Variants in RELB observed in about 807,000 individuals in gnomAD.
RELB encodes the protein RELB proto-oncogene, NF-kB subunit.
Under a neutral mutation model 55.4 loss-of-function variants are expected in RELB, and 14 were observed. The observed-to-expected ratio is 0.25, with a 90% CI of 0.17 to 0.40. The LOEUF is 0.40. RELB is among the 10% of genes least tolerant of loss of function. RELB has a pLI of 1.00. For synonymous variants in RELB, 409 were observed against 371.3 expected (o/e 1.10, Z -1.17); for missense variants, 669 against 830.7 (o/e 0.81, Z 2.39).
At chr19:45,014,012 A>C (rs1043819391) in intron 4 of RELB, among the ~76,000 whole-genome samples, 6 of 152,070 alleles carry the variant, frequency 3.9e-5, no homozygotes, top group Non-Finnish European at 5.9e-5. Flanking sequence ...GGTGATGCTG[A>C]GTTGGATCCT....
intron 11 of RELB, among the ~76,000 whole-genome samples, chr19:45,035,539 C>CAACAACAACAACAACA (rs887820522): frequency 9.9e-5 from 15 of 151,166 alleles, no homozygotes; most frequent in African/African-American, 2.9e-4. Context: ...ACAACAACAA[C>CAACAACAACAACAACA]AAAACAGGCC....
chr19:45,026,958 G>A (rs553479621), intron 7 of RELB, among the ~76,000 whole-genome samples: 27 of 152,278 alleles, frequency 1.8e-4, no homozygotes, highest in African/African-American at 6.3e-4. Flanking sequence ...AGCCGGGCGA[G>A]GTGGCTTACG....
intron 8 of RELB, among the ~76,000 whole-genome samples, chr19:45,032,149 T>C (rs570911952): frequency 8.6e-5 from 13 of 151,968 alleles, no homozygotes; most frequent in Admixed American, 2.0e-4. Context: ...GGCAGGAGAA[T>C]TACTTGAACC....
chr19:45,015,747 G>A (rs67616858), intron 4 of RELB, among the ~76,000 whole-genome samples: 11,246 of 36,368 alleles, frequency 0.31, 956 homozygotes, highest in African/African-American at 0.46. Context: ...AAAAAAAAAA[G>A]AAAAAAGAAA....
intron 4 of RELB, among the ~76,000 whole-genome samples, chr19:45,012,867 G>A (rs578040440): frequency 6.8e-4 from 103 of 151,880 alleles, no homozygotes; most frequent in Non-Finnish European, 1.2e-3. Flanking sequence ...TGGGCAAGAC[G>A]GCAAAACCCC....
chr19:45,006,730 G>A (rs1448414696), intron 2 of RELB, among the ~76,000 whole-genome samples: 2 of 151,654 alleles, frequency 1.3e-5, no homozygotes, highest in Non-Finnish European at 2.9e-5. Flanking sequence ...GGAGGCCGAG[G>A]TGGGTGGATC....
chr19:45,022,262 G>T, intron 5 of RELB, 52 bp downstream of exon 5: 1 of 1,497,384 alleles, frequency 6.7e-7, no homozygotes, highest in South Asian at 1.3e-5. Context: ...GAGATTCTAA[G>T]CGACTGGAGG....
Position 45,025,389 on chromosome 19 carries a change from G to C in RELB, c.723G>C (p.Arg241=). ...RKKEIEAAIE[R]KIQLGIDPYN... is the part of the protein sequence containing the mutation. ...AGGAGATTGAGGCTGCCATTGAGCGGAAGATTCAACTGGGCATTGACCCCT... is the reference window on the plus strand; with the variant it reads ...AGGAGATTGAGGCTGCCATTGAGCGCAAGATTCAACTGGGCATTGACCCCT... Residue 241 remains arginine, a synonymous_variant, in exon 6 of 12, where the codon CGG becomes CGC. Transcript: ENST00000221452. 1 of 1,612,818 alleles carries C rather than the reference G, an allele frequency of 6.2e-7. No homozygotes were observed. Among genetic ancestry groups the C allele is most frequent in the Non-Finnish European group, 8.5e-7 (1 of 1,179,492 alleles).
intron 8 of RELB, 40 bp downstream of exon 8, chr19:45,029,032 C>A: frequency 1.4e-6 from 2 of 1,441,612 alleles, no homozygotes; most frequent in South Asian, 2.4e-5. Flanking sequence ...AGAGCGGGGT[C>A]TGGCAACTTG....
At chr19:45,011,789 TGTGTGTGTGAGAGAGAGAGAGAGAGA>T (rs957458876) in intron 3 of RELB, 121 bp from the exon 4 acceptor site, 9 of 307,216 alleles carry the variant, frequency 2.9e-5, no homozygotes, top group East Asian at 1.3e-4. Flanking sequence ...TGTGTGTGTG[TGTGTGTGTGAGAGAGAGAGAGAGAGA>T]GAGAGAGAGA....
At chr19:45,009,201 C>T (rs1369132977) in intron 2 of RELB, among the ~76,000 whole-genome samples, 2 of 152,190 alleles carry the variant, frequency 1.3e-5, no homozygotes, top group Non-Finnish European at 2.9e-5. Context: ...CTGCCTCAGC[C>T]TCCCGAGTAG....
chr19:45,023,430 T>G (rs1485707435), intron 5 of RELB, among the ~76,000 whole-genome samples: 1 of 151,108 alleles, frequency 6.6e-6, no homozygotes, highest in African/African-American at 2.4e-5. Flanking sequence ...CCTTCCTTCC[T>G]TCCGTCCTTC....
At chr19:45,009,321 TC>T (rs1181516550) in intron 2 of RELB, among the ~76,000 whole-genome samples, 1 of 152,108 alleles carries the variant, frequency 6.6e-6, no homozygotes, top group Non-Finnish European at 1.5e-5. Context: ...CCTCAAGTGA[TC>T]TGCCCACCTC....
intron 2 of RELB, among the ~76,000 whole-genome samples, chr19:45,004,490 C>G (rs1286406536): frequency 6.6e-6 from 1 of 151,340 alleles, no homozygotes; most frequent in Non-Finnish European, 1.5e-5. Flanking sequence ...TCCCAAAGTG[C>G]TGGGATTACA....
At chr19:45,003,915 G>GTGTT (rs1555724872) in intron 2 of RELB, among the ~76,000 whole-genome samples, 2 of 63,574 alleles carry the variant, frequency 3.1e-5, no homozygotes, top group African/African-American at 5.9e-5. Flanking sequence ...TGTTTTTTGT[G>GTGTT]TTTTTTTTTT....
chr19:45,033,700 G>A (rs528831721), intron 9 of RELB, among the ~76,000 whole-genome samples: 173 of 149,990 alleles, frequency 1.2e-3, no homozygotes, highest in Non-Finnish European at 2.1e-3. Context: ...CCGCCACCAT[G>A]CCCGGCTAAT....
At chr19:45,009,503 C>T (rs556843143) in intron 2 of RELB, among the ~76,000 whole-genome samples, 2 of 152,282 alleles carry the variant, frequency 1.3e-5, no homozygotes, top group South Asian at 4.1e-4. Context: ...TGCTAAGACC[C>T]CTTTCTAATG....
At position 45,003,710 on chromosome 19, in the gene RELB, T is replaced by G. The variant is rs1451286959; in HGVS notation, c.154+714T>G. ...ATCTGTAAGATGGACAGAATAACAG[T>G]GCCTCTCTTTCAGGGAAATTGAGAG... On this transcript the variant is annotated intron_variant, in intron 2 of 11. Transcript: ENST00000221452. 1.3e-5 allele frequency: 6 copies of G among 469,492 alleles called. No individual in the cohort carries two copies. In the East Asian group the frequency reaches 3.4e-4, roughly 26 times the overall value. 29.1% of individuals were successfully genotyped at this position (469,492 alleles called of 1,614,324 possible).
intron 4 of RELB, among the ~76,000 whole-genome samples, chr19:45,018,674 A>AT (rs907451028): frequency 5.4e-5 from 8 of 149,048 alleles, no homozygotes; most frequent in African/African-American, 1.7e-4. Context: ...TTATTTATTT[A>AT]TTTTTTTTTA....
Sources: gnomAD v4.1 joint callset for allele counts (sites outside exome capture counted in the v4.1 genomes callset) on GRCh38, gnomAD v4.1.1 for gene constraint, MANE v1.5 for transcripts, NCBI Gene and HGNC (gene_info 2026-07-23, HGNC 2026-07-21) for gene names.